The following TJP1 variants were observed in gnomAD, a reference collection of about 807,000 sequenced individuals.
The protein encoded by TJP1 is tight junction protein ZO-1.
TJP1 carries 43 observed loss-of-function variants against 194.2 expected under a neutral mutation model. That is an observed-to-expected ratio of 0.22 (90% CI 0.17 to 0.29). The LOEUF (loss-of-function observed/expected upper bound fraction) is 0.29, where lower values mean the gene tolerates loss of function less well. TJP1 is among the 10% of genes least tolerant of loss of function. The pLI, the probability that TJP1 is intolerant of heterozygous loss-of-function variation, is 1.00. For synonymous variants in TJP1, 801 were observed against 779.0 expected, an observed-to-expected ratio of 1.03 and a Z score of -0.47; for missense variants, 1,971 against 2,185.7, an observed-to-expected ratio of 0.90 and a Z score of 1.96.
intron 2 of TJP1, among the ~76,000 whole-genome samples, chr15:29,943,058 T>C (rs994311278): frequency 6.6e-6 from 1 of 152,124 alleles, no homozygotes; most frequent in Admixed American, 6.5e-5. Flanking sequence ...GATGAAAGAA[T>C]AAATAAAATA....
intron 2 of TJP1, among the ~76,000 whole-genome samples, chr15:29,792,305 C>A (rs2048148042): frequency 6.6e-6 from 1 of 152,194 alleles, no homozygotes; most frequent in Non-Finnish European, 1.5e-5. Context: ...GGTCCAGTTT[C>A]ATTCTTCTGC....
upstream of TJP1, chr15:29,822,553 G>T: frequency 9.0e-6 from 8 of 885,704 alleles, no homozygotes; most frequent in Non-Finnish European, 9.5e-6. Context: ...AGGCGGGGAG[G>T]GGGCGGGGCC....
At chr15:29,967,190 T>C (rs778201183) in intron 1 of TJP1, among the ~76,000 whole-genome samples, 14 of 151,860 alleles carry the variant, frequency 9.2e-5, no homozygotes, top group Non-Finnish European at 1.9e-4. Context: ...ATTTTGTATT[T>C]TTTTGGTTTA....
intron 2 of TJP1, among the ~76,000 whole-genome samples, chr15:29,920,707 A>T (rs972038840): frequency 2.6e-5 from 4 of 152,180 alleles, no homozygotes; most frequent in Non-Finnish European, 5.9e-5. Context: ...AGCTGCTGTG[A>T]CAGCCCTGCT....
intron 1 of TJP1, among the ~76,000 whole-genome samples, 180 bp downstream of exon 1, chr15:29,821,822 C>T (rs946911245): frequency 2.1e-5 from 3 of 146,174 alleles, no homozygotes; most frequent in African/African-American, 7.4e-5. Context: ...GCCGCCCCCG[C>T]CCGAGGGGCT....
chr15:29,831,964 GAC>G (rs981380233), intron 2 of TJP1, among the ~76,000 whole-genome samples: 3 of 152,126 alleles, frequency 2.0e-5, no homozygotes, highest in African/African-American at 7.2e-5. Flanking sequence ...GTGTACATTT[GAC>G]AGTTCTTTAT....
chr15:29,904,663 G>A (rs1423091955), intron 2 of TJP1, among the ~76,000 whole-genome samples: 1 of 151,964 alleles, frequency 6.6e-6, no homozygotes. Context: ...GCTTTCCCCT[G>A]TCTTATTAGA....
chr15:29,794,417 G>A (rs1366513350), intron 2 of TJP1, among the ~76,000 whole-genome samples: 2 of 152,194 alleles, frequency 1.3e-5, no homozygotes, highest in Admixed American at 6.5e-5. Context: ...GGCACAGAAA[G>A]AAGCCAGGTA....
chr15:29,965,463 T>C (rs1453836502), intron 1 of TJP1, among the ~76,000 whole-genome samples: 1 of 152,150 alleles, frequency 6.6e-6, no homozygotes, highest in African/African-American at 2.4e-5. Context: ...CCACCCATCT[T>C]GGTCTCTCAC....
intron 1 of TJP1, among the ~76,000 whole-genome samples, chr15:29,802,227 A>C (rs1450247867): frequency 6.6e-6 from 1 of 152,164 alleles, no homozygotes; most frequent in African/African-American, 2.4e-5. Context: ...CATTACTATA[A>C]ATGCCTATTT....
Position 29,770,488 on chromosome 15 carries a change from C to T in TJP1, c.312+1576G>A, listed in dbSNP as rs370126559. 1.2e-4 allele frequency among the ~76,000 whole-genome samples: 18 copies of T among 150,908 alleles called. No homozygotes were observed. In the South Asian group the frequency reaches 2.7e-3, roughly 23 times the overall value. Reference sequence around the variant, plus strand: ...TGGGAGGCCGAGGCGGGGCGGATCACGAGACAGCCTCCATCAGGAGATCGA... The same window carrying T: ...TGGGAGGCCGAGGCGGGGCGGATCATGAGACAGCCTCCATCAGGAGATCGA... On this transcript the variant is annotated intron_variant, in intron 4 of 27. Transcript: ENST00000614355.
At chr15:29,730,033 C>T (rs1226313760) in intron 15 of TJP1, among the ~76,000 whole-genome samples, 3 of 151,678 alleles carry the variant, frequency 2.0e-5, no homozygotes, top group Admixed American at 6.6e-5. Flanking sequence ...AATATAAATT[C>T]GAAACAAACG....
Position 29,733,081 on chromosome 15 carries a change from C to G in TJP1, c.1736+13G>C. ...CTTGATTCACTCTATGAGAAGTATC[C>G]AAGCATTCATACCTGTTCTTATTAG... On this transcript the variant is annotated intron_variant, in intron 13 of 27. Transcript: ENST00000614355. The G allele has an allele frequency of 6.2e-7, 1 of 1,609,672 alleles. No individual in the cohort carries two copies. Among genetic ancestry groups the G allele is most frequent in the Non-Finnish European group, 8.5e-7 (1 of 1,176,306 alleles).
rs750926055 is a variant in TJP1 at position 29,847,701 on chromosome 15, T to G, written c.307-46999A>C. On this transcript the variant is annotated intron_variant, in intron 2 of 28. Transcript: ENST00000356107. ...TCGGGAGGCTGAGGTAGGAGAATGG[T>G]GTGAACCCGGGAGGCGGAGGTTGCA... Among the ~76,000 whole-genome samples, 4 of 152,006 alleles carry G rather than the reference T, an allele frequency of 2.6e-5. No homozygotes were observed. The South Asian group carries it at 6.2e-4, about 24-fold the overall frequency.
chr15:29,905,802 A>C (rs2053788972), intron 2 of TJP1, among the ~76,000 whole-genome samples: 1 of 152,258 alleles, frequency 6.6e-6, no homozygotes, highest in Non-Finnish European at 1.5e-5. Context: ...ACTATCTGAC[A>C]TTCTGGAAAA....
intron 2 of TJP1, among the ~76,000 whole-genome samples, chr15:29,916,265 T>C (rs930958441): frequency 3.3e-5 from 5 of 149,326 alleles, no homozygotes; most frequent in African/African-American, 7.4e-5. Context: ...AAAAAGATCA[T>C]AGCTCTTTCT....
chr15:29,806,162 A>G (rs2049098631), intron 1 of TJP1, among the ~76,000 whole-genome samples: 1 of 152,218 alleles, frequency 6.6e-6, no homozygotes, highest in South Asian at 2.1e-4. Flanking sequence ...GTTAGTGAGA[A>G]GTGTGGGTGG....
At chr15:29,949,133 AC>A (rs2055401118) in intron 2 of TJP1, among the ~76,000 whole-genome samples, 1 of 143,318 alleles carries the variant, frequency 7.0e-6, no homozygotes, top group Non-Finnish European at 1.5e-5. Context: ...CACCACCTCC[AC>A]CTCCACCTTC....
intron 2 of TJP1, among the ~76,000 whole-genome samples, chr15:29,930,376 G>T (rs910957690): frequency 3.3e-5 from 5 of 152,114 alleles, no homozygotes; most frequent in African/African-American, 1.2e-4. Flanking sequence ...CAACACCATT[G>T]TCAAGTACAA....
Sources: allele counts gnomAD v4.1 joint callset (sites outside exome capture counted in the v4.1 genomes callset), GRCh38; gene constraint gnomAD v4.1.1; transcripts MANE v1.5; gene names NCBI Gene and HGNC (gene_info 2026-07-23, HGNC 2026-07-21).